SNX18: variants seen among roughly 807,000 people sequenced by gnomAD.
SNX18 encodes the protein sorting nexin-18.
Under a neutral mutation model 48.7 loss-of-function variants are expected in SNX18, and 35 were observed. The observed-to-expected ratio is 0.72, with a 90% CI of 0.55 to 0.95. The LOEUF is 0.95. Among genes scored for constraint, SNX18 ranks in the 40% least tolerant of loss-of-function variants. The pLI is 0.00. For missense variants in SNX18, 824 were observed against 871.0 expected (o/e 0.95, Z 0.68); for synonymous variants, 492 against 384.7 (o/e 1.28, Z -3.26).
At chr5:54,583,466 C>T in the SNX18 span, among the ~76,000 whole-genome samples, 1 of 152,164 alleles carries the variant, frequency 6.6e-6, no homozygotes, top group Non-Finnish European at 1.5e-5. Flanking sequence ...GAAGCTGTGT[C>T]ATGATAAAGT....
chr5:54,525,045 T>C (rs1191108149), intron 1 of SNX18, among the ~76,000 whole-genome samples: 1 of 152,232 alleles, frequency 6.6e-6, no homozygotes, highest in African/African-American at 2.4e-5. Context: ...GGAGCTGGCC[T>C]GTCGGGACCA....
chr5:54,562,577 C>G, the SNX18 span, among the ~76,000 whole-genome samples: 1 of 152,188 alleles, frequency 6.6e-6, no homozygotes, highest in African/African-American at 2.4e-5. Context: ...CGCGTTTCTC[C>G]TGTGTTTACG....
the SNX18 span, among the ~76,000 whole-genome samples, chr5:54,617,739 A>T: frequency 0.67 from 101,627 of 151,776 alleles, 35,271 homozygotes; most frequent in African/African-American, 0.86. Context: ...TCTTTTTTTT[A>T]AAATAGAGAC....
the SNX18 span, among the ~76,000 whole-genome samples, chr5:54,594,914 G>A: frequency 6.6e-6 from 1 of 152,096 alleles, no homozygotes; most frequent in African/African-American, 2.4e-5. Context: ...TTATAAATGA[G>A]CACATGCAGT....
At chr5:54,628,224 A>C in the SNX18 span, among the ~76,000 whole-genome samples, 1 of 152,180 alleles carries the variant, frequency 6.6e-6, no homozygotes. Context: ...TGATTAGCTA[A>C]GCCACTTAAC....
At chr5:54,638,696 C>T in the SNX18 span, among the ~76,000 whole-genome samples, 3 of 152,166 alleles carry the variant, frequency 2.0e-5, no homozygotes, top group Non-Finnish European at 2.9e-5. Context: ...TGTATCACTT[C>T]ATTTTAGCCT....
the SNX18 span, among the ~76,000 whole-genome samples, chr5:54,647,790 T>C: frequency 1.3e-5 from 2 of 152,036 alleles, no homozygotes; most frequent in Non-Finnish European, 2.9e-5. Flanking sequence ...AAATGAAGGC[T>C]TGAAACTTCA....
chr5:54,602,551 G>A, the SNX18 span, among the ~76,000 whole-genome samples: 8 of 152,176 alleles, frequency 5.3e-5, no homozygotes, highest in African/African-American at 2.4e-5. Context: ...CTTCAGGGTG[G>A]ACTTCCCTAA....
the SNX18 span, among the ~76,000 whole-genome samples, chr5:54,590,330 G>A: frequency 5.3e-5 from 8 of 152,160 alleles, no homozygotes; most frequent in African/African-American, 1.9e-4. Context: ...AGTTCTAGAC[G>A]GGGGGCATTT....
Position 54,534,247 on chromosome 5 carries a change from T to TG in SNX18, c.1622-8932_1622-8931insG, listed in dbSNP as rs1382432991. 4.1e-4 allele frequency among the ~76,000 whole-genome samples: 62 copies of TG among 151,694 alleles called. 2 individuals carry two copies. Among genetic ancestry groups the TG allele is most frequent in the Admixed American group, 4.1e-3 (62 of 15,198 alleles). Reference sequence around the variant, plus strand: ...GGTGCTTTCTTTTTTCTTTTTTTTTTTTTTAAGGGAGAAAATGTAGCCTTT... The same window carrying TG: ...GGTGCTTTCTTTTTTCTTTTTTTTTTGTTTTAAGGGAGAAAATGTAGCCTTT... On this transcript the variant is annotated intron_variant, in intron 1 of 1. Transcript: ENST00000381410.
chr5:54,582,015 C>G, the SNX18 span, among the ~76,000 whole-genome samples: 3 of 152,128 alleles, frequency 2.0e-5, no homozygotes, highest in Non-Finnish European at 4.4e-5. Flanking sequence ...ATATGAGTGC[C>G]AAGAAAGCCA....
At chr5:54,559,862 A>C in the SNX18 span, among the ~76,000 whole-genome samples, 1 of 152,206 alleles carries the variant, frequency 6.6e-6, no homozygotes, top group Non-Finnish European at 1.5e-5. Context: ...ACAAATTTAC[A>C]AGAAAAAAAA....
chr5:54,618,848 A>G, the SNX18 span, among the ~76,000 whole-genome samples: 1 of 152,166 alleles, frequency 6.6e-6, no homozygotes, highest in Non-Finnish European at 1.5e-5. Context: ...GTAAAAAGAT[A>G]TACATCTCCG....
At chr5:54,541,092 A>G (rs1407084518) in intron 1 of SNX18, among the ~76,000 whole-genome samples, 4 of 151,798 alleles carry the variant, frequency 2.6e-5, no homozygotes, top group African/African-American at 7.3e-5. Context: ...CGGTGGCGCA[A>G]TCTCGGCGCA....
At chr5:54,614,465 T>A in the SNX18 span, among the ~76,000 whole-genome samples, 2 of 152,168 alleles carry the variant, frequency 1.3e-5, no homozygotes, top group African/African-American at 4.8e-5. Flanking sequence ...ACTACTTGTA[T>A]AATATACATG....
At chr5:54,625,664 G>T in the SNX18 span, among the ~76,000 whole-genome samples, 124 of 152,288 alleles carry the variant, frequency 8.1e-4, 1 homozygote, top group East Asian at 0.022. Context: ...GAAGAGAAGA[G>T]TACACAAGGG....
the SNX18 span, among the ~76,000 whole-genome samples, chr5:54,601,875 CAATTTTTTAAAG>C: frequency 7.5e-6 from 1 of 134,130 alleles, no homozygotes; most frequent in South Asian, 3.0e-4. Flanking sequence ...AAATTGCAAA[CAATTTTTTAAAG>C]AAAAAAAAGG....
chr5:54,618,589 C>T, the SNX18 span, among the ~76,000 whole-genome samples: 1 of 152,270 alleles, frequency 6.6e-6, no homozygotes, highest in Admixed American at 6.5e-5. Flanking sequence ...AATAAAATAA[C>T]ATGCGATGTT....
At chr5:54,634,295 T>C in the SNX18 span, among the ~76,000 whole-genome samples, 12 of 152,146 alleles carry the variant, frequency 7.9e-5, no homozygotes, top group African/African-American at 2.9e-4. Context: ...GGTGTGGCTT[T>C]GTCCTGGGCA....
Sources: gnomAD v4.1 joint callset for allele counts (sites outside exome capture counted in the v4.1 genomes callset) on GRCh38, gnomAD v4.1.1 for gene constraint, MANE v1.5 for transcripts, NCBI Gene and HGNC (gene_info 2026-07-23, HGNC 2026-07-21) for gene names.